ADCY8: variants seen among roughly 807,000 people sequenced by gnomAD.
ADCY8 encodes adenylate cyclase type 8.
ADCY8 carries 51 observed loss-of-function variants against 119.7 expected under a neutral mutation model. The ratio of observed to expected loss-of-function variants is 0.43; its 90% CI spans 0.34 to 0.54. The LOEUF is 0.54. ADCY8 is among the 20% of genes least tolerant of loss of function. The probability of loss-of-function intolerance (pLI) is 0.03; values close to 1 mark genes in which losing one functional copy is unlikely to be tolerated. For missense variants in ADCY8, 1,383 were observed against 1,598.8 expected, an observed-to-expected ratio of 0.87 and a Z score of 2.30; for synonymous variants, 665 against 651.0, an observed-to-expected ratio of 1.02 and a Z score of -0.33.
At chr8:130,886,211 C>T (rs763998586) in intron 7 of ADCY8, among the ~76,000 whole-genome samples, 2 of 152,144 alleles carry the variant, frequency 1.3e-5, no homozygotes, top group Non-Finnish European at 2.9e-5. Context: ...AAACCCTCTT[C>T]TCCAGCCCTA....
intron 8 of ADCY8, 60 bp downstream of exon 8, chr8:130,884,504 C>G: frequency 6.4e-7 from 1 of 1,569,322 alleles, no homozygotes; most frequent in Non-Finnish European, 8.7e-7. Flanking sequence ...TCTCTCTAGT[C>G]CCATGAACAT....
At chr8:130,823,490 AGAACATGTT>A (rs140419340) in intron 12 of ADCY8, among the ~76,000 whole-genome samples, 6,883 of 152,288 alleles carry the variant, frequency 0.045, 166 homozygotes, top group Middle Eastern at 0.12. Flanking sequence ...CTTAAAACCA[AGAACATGTT>A]GAACTAATTT....
At chr8:130,863,392 C>T (rs1294394183) in intron 9 of ADCY8, among the ~76,000 whole-genome samples, 13 of 139,494 alleles carry the variant, frequency 9.3e-5, no homozygotes, top group Admixed American at 6.5e-4. Context: ...TCTATTGGGG[C>T]CTTTTTTTTT....
chr8:131,007,975 A>T (rs1373659114), intron 1 of ADCY8, among the ~76,000 whole-genome samples: 2 of 152,220 alleles, frequency 1.3e-5, no homozygotes, highest in African/African-American at 4.8e-5. Context: ...TACCCATTAA[A>T]TTCACATAGT....
intron 8 of ADCY8, among the ~76,000 whole-genome samples, chr8:130,878,605 T>C (rs1158259891): frequency 2.0e-5 from 3 of 151,658 alleles, no homozygotes; most frequent in African/African-American, 7.3e-5. Flanking sequence ...CAAAAAAGAG[T>C]ATTTACCAAA....
chr8:130,897,003 C>T (rs970878154), intron 7 of ADCY8, among the ~76,000 whole-genome samples: 1 of 152,132 alleles, frequency 6.6e-6, no homozygotes, highest in East Asian at 1.9e-4. Flanking sequence ...AATGAGGACA[C>T]CGAGCCTTGG....
chr8:130,895,202 A>G (rs990859554), intron 7 of ADCY8, among the ~76,000 whole-genome samples: 20 of 152,154 alleles, frequency 1.3e-4, no homozygotes, highest in African/African-American at 4.8e-4. Context: ...TTAAAGTGCT[A>G]TACGTTTATT....
chr8:131,007,875 G>A (rs1268294075), intron 1 of ADCY8, among the ~76,000 whole-genome samples: 1 of 149,848 alleles, frequency 6.7e-6, no homozygotes, highest in Non-Finnish European at 1.5e-5. Context: ...ATAGAGGAAT[G>A]AGTGCTAGGA....
At chr8:131,033,626 C>A (rs1484342937) in intron 1 of ADCY8, among the ~76,000 whole-genome samples, 1 of 152,036 alleles carries the variant, frequency 6.6e-6, no homozygotes, top group African/African-American at 2.4e-5. Context: ...TTACAACTCT[C>A]TAAATACAGA....
At chr8:130,861,780 T>C (rs913444646) in intron 9 of ADCY8, among the ~76,000 whole-genome samples, 1 of 152,104 alleles carries the variant, frequency 6.6e-6, no homozygotes, top group African/African-American at 2.4e-5. Flanking sequence ...GCAGTCTTTT[T>C]CCACTAAAGA....
intron 11 of ADCY8, among the ~76,000 whole-genome samples, chr8:130,843,165 G>C (rs894448889): frequency 3.9e-5 from 6 of 152,160 alleles, no homozygotes; most frequent in African/African-American, 1.4e-4. Flanking sequence ...AGCAGCATAT[G>C]ATGTAGAAAC....
chr8:130,883,227 A>G (rs896931302), intron 8 of ADCY8, among the ~76,000 whole-genome samples: 6 of 152,222 alleles, frequency 3.9e-5, no homozygotes, highest in Non-Finnish European at 7.3e-5. Context: ...GTATTTACAC[A>G]AGCTAATTGA....
At chr8:130,917,695 C>G (rs1489615759) in intron 5 of ADCY8, among the ~76,000 whole-genome samples, 3 of 151,958 alleles carry the variant, frequency 2.0e-5, no homozygotes, top group Non-Finnish European at 4.4e-5. Context: ...GTTCTGAATT[C>G]TGGATTTTTT....
intron 1 of ADCY8, among the ~76,000 whole-genome samples, chr8:131,003,957 C>T (rs568769594): frequency 4.6e-4 from 70 of 152,276 alleles, no homozygotes; most frequent in Admixed American, 7.8e-4. Context: ...TACTTATTTA[C>T]TGCCTGGCTC....
intron 2 of ADCY8, among the ~76,000 whole-genome samples, chr8:130,957,487 A>G (rs182919424): frequency 5.3e-5 from 8 of 152,364 alleles, no homozygotes; most frequent in Admixed American, 2.6e-4. Context: ...GTGATAGAAA[A>G]GAAAAAACAA....
chr8:130,834,815 T>A (rs978747197), intron 12 of ADCY8, among the ~76,000 whole-genome samples: 5 of 152,164 alleles, frequency 3.3e-5, no homozygotes, highest in Non-Finnish European at 7.3e-5. Context: ...AATATATGTG[T>A]GTGTTTATAT....
At chr8:130,827,856 A>G (rs1294010223) in intron 12 of ADCY8, among the ~76,000 whole-genome samples, 1 of 152,224 alleles carries the variant, frequency 6.6e-6, no homozygotes, top group East Asian at 1.9e-4. Flanking sequence ...ATAAAATCAA[A>G]TCAATAACAG....
At chr8:130,989,968 G>C (rs1420759079) in intron 2 of ADCY8, among the ~76,000 whole-genome samples, 1 of 152,180 alleles carries the variant, frequency 6.6e-6, no homozygotes, top group Non-Finnish European at 1.5e-5. Context: ...TGGTTTTAGA[G>C]ACTAGACATG....
chr8:130,878,784 AG>A (rs1012709308), intron 8 of ADCY8, among the ~76,000 whole-genome samples: 3 of 152,200 alleles, frequency 2.0e-5, no homozygotes, highest in African/African-American at 7.2e-5. Context: ...CTTTTCTCAA[AG>A]CAATTAAGAA....
Sources: allele counts gnomAD v4.1 joint callset (sites outside exome capture counted in the v4.1 genomes callset), GRCh38; gene constraint gnomAD v4.1.1; transcripts MANE v1.5; gene names NCBI Gene and HGNC (gene_info 2026-07-23, HGNC 2026-07-21).